Variants in PTPRB observed in about 807,000 individuals in gnomAD.
The protein encoded by PTPRB is receptor-type tyrosine-protein phosphatase beta.
In PTPRB, 97 loss-of-function variants were observed where a neutral mutation model predicts 238.1. The observed-to-expected ratio is 0.41, with a 90% CI of 0.35 to 0.48. The LOEUF is 0.48. PTPRB is among the 20% of genes least tolerant of loss of function. The pLI is 0.30. For missense variants in PTPRB, 2,292 were observed against 2,681.9 expected (o/e 0.85, Z 3.21); for synonymous variants, 970 against 995.4 (o/e 0.97, Z 0.48).
At chr12:70,591,428 T>A (rs2136461846) in intron 7 of PTPRB, among the ~76,000 whole-genome samples, 1 of 150,566 alleles carries the variant, frequency 6.6e-6, no homozygotes, top group Non-Finnish European at 1.5e-5. Flanking sequence ...CTTTGAATTA[T>A]CTGTATAATG....
chr12:70,530,546 ATG>A (rs1466085938), intron 32 of PTPRB, among the ~76,000 whole-genome samples: 1 of 152,174 alleles, frequency 6.6e-6, no homozygotes, highest in Non-Finnish European at 1.5e-5. Context: ...ATATAAGTAT[ATG>A]TGTATTTAAG....
intron 18 of PTPRB, 138 bp from the exon 19 acceptor site, chr12:70,556,286 T>C (rs373233151): frequency 5.1e-6 from 4 of 785,260 alleles, no homozygotes; most frequent in Non-Finnish European, 2.0e-6. Context: ...TGGCTCACCC[T>C]AGCAGAGACA....
rs1055957179 is a variant in PTPRB at position 70,635,722 on chromosome 12, C to G, written c.400G>C (p.Asp134His). Reference sequence around the variant, plus strand: ...ACCAGTTTTCCCTCCTTGTTGACATCTATTTTCATCCAGCTATGGAGGTAT... The same window carrying G: ...ACCAGTTTTCCCTCCTTGTTGACATGTATTTTCATCCAGCTATGGAGGTAT... ...RKYLHSWMKI[D>H]VNKEGKLVNE... Residue 134 changes from aspartate (D) to histidine (H), a missense_variant, in exon 2 of 34, where the codon GAT becomes CAT. Physicochemically the swap from Asp to His is moderately conservative, Grantham distance 81. Around this residue, in one of 4 missense-constraint regions of PTPRB, gnomAD observed 1,205 missense variants for 1,287.8 expected, o/e 0.94. Transcript: ENST00000334414. 16 of 1,613,964 alleles carry G rather than the reference C, an allele frequency of 9.9e-6. No individual in the cohort carries two copies. Among genetic ancestry groups the G allele is most frequent in the Non-Finnish European group, 1.3e-5 (15 of 1,179,880 alleles).
At chr12:70,551,995 C>T (rs1482710469) in intron 21 of PTPRB, among the ~76,000 whole-genome samples, 4 of 152,102 alleles carry the variant, frequency 2.6e-5, no homozygotes, top group African/African-American at 9.7e-5. Context: ...TCTTTGCCTT[C>T]CAGAGTTCTG....
In PTPRB at chr12:70,571,773, A is replaced by G. The variant is rs1880076690; in HGVS notation, c.3106+51T>C. Reference sequence around the variant, plus strand: ...AAATTCAAGGTTCAGATAAATTACTAGAGACTTTCAAGTCCAACCAACTGT... The same window carrying G: ...AAATTCAAGGTTCAGATAAATTACTGGAGACTTTCAAGTCCAACCAACTGT... On this transcript the variant is annotated intron_variant, in intron 12 of 33. Coordinates refer to ENST00000334414, the MANE Select transcript of PTPRB (RefSeq NM_001109754.4). The G allele has an allele frequency of 6.4e-6, 10 of 1,565,076 alleles. 1 individual carries two copies. In the South Asian group the frequency reaches 1.2e-4, roughly 19 times the overall value.
chr12:70,609,924 G>A (rs1425692368), intron 3 of PTPRB: 12 of 1,012,270 alleles, frequency 1.2e-5, no homozygotes, highest in South Asian at 2.7e-5. Context: ...CCCCGTGGGC[G>A]CAGCGCGCTT....
At chr12:70,599,549 T>C (rs1883305127) in intron 4 of PTPRB, among the ~76,000 whole-genome samples, 1 of 152,170 alleles carries the variant, frequency 6.6e-6, no homozygotes, top group African/African-American at 2.4e-5. Context: ...TCATTAGCCA[T>C]AAATTTAGAG....
intron 21 of PTPRB, among the ~76,000 whole-genome samples, chr12:70,551,249 G>A (rs1446154135): frequency 6.6e-6 from 1 of 152,160 alleles, no homozygotes; most frequent in Non-Finnish European, 1.5e-5. Context: ...GATCTTTCAT[G>A]TTTCTCCCTT....
At chr12:70,595,542 G>A (rs1488710619) in intron 5 of PTPRB, among the ~76,000 whole-genome samples, 1 of 152,134 alleles carries the variant, frequency 6.6e-6, no homozygotes. Flanking sequence ...TATGGAAGGA[G>A]GTAGTGATGT....
intron 16 of PTPRB, among the ~76,000 whole-genome samples, chr12:70,562,288 C>CA: frequency 6.6e-6 from 1 of 152,098 alleles, no homozygotes; most frequent in East Asian, 1.9e-4. Context: ...CGTCCCCCCC[C>CA]AAAACATTTT....
intron 10 of PTPRB, among the ~76,000 whole-genome samples, chr12:70,580,002 G>A (rs1167713396): frequency 6.6e-6 from 1 of 151,768 alleles, no homozygotes; most frequent in African/African-American, 2.4e-5. Flanking sequence ...AAGTAGACAA[G>A]GTCCCACTAA....
chr12:70,593,507 C>CT (rs1882693967), intron 6 of PTPRB, among the ~76,000 whole-genome samples: 1 of 106,508 alleles, frequency 9.4e-6, no homozygotes, highest in South Asian at 3.1e-4. Flanking sequence ...GAGCAAAACT[C>CT]TGTCTCAAAA....
rs534576423 is a variant in PTPRB at position 70,525,837 on chromosome 12, G to C, written c.6505-1246C>G. 4.6e-5 allele frequency among the ~76,000 whole-genome samples: 7 copies of C among 152,346 alleles called. No individual in the cohort carries two copies. In the East Asian group the frequency reaches 7.7e-4, roughly 17 times the overall value. On this transcript the variant is annotated intron_variant, in intron 32 of 33. Transcript: ENST00000334414. ...CCAGCCAGGCCAGGCTGAGCCATCA[G>C]GCTTCTGGGGATCCCAGTTTCCCCA...
chr12:70,614,050 G>A (rs1884575423), intron 3 of PTPRB, among the ~76,000 whole-genome samples: 1 of 152,060 alleles, frequency 6.6e-6, no homozygotes, highest in Non-Finnish European at 1.5e-5. Context: ...AGAAGGAGGA[G>A]GGAGGCAGTA....
intron 21 of PTPRB, among the ~76,000 whole-genome samples, chr12:70,552,179 T>C (rs1876976966): frequency 6.6e-6 from 1 of 152,198 alleles, no homozygotes; most frequent in South Asian, 2.1e-4. Context: ...AGTATTGGAC[T>C]CATATTTAGA....
At chr12:70,590,296 C>CT (rs1882353409) in intron 7 of PTPRB, 63 bp from the exon 8 acceptor site, 1 of 1,462,662 alleles carries the variant, frequency 6.8e-7, no homozygotes. Context: ...TACTCATTTA[C>CT]TTTTCTTGGG....
chr12:70,616,444 C>T (rs995468619), intron 3 of PTPRB, among the ~76,000 whole-genome samples: 1 of 152,178 alleles, frequency 6.6e-6, no homozygotes, highest in African/African-American at 2.4e-5. Context: ...TTTTTCTTAA[C>T]AGGCTGATTA....
At chr12:70,556,480 A>G (rs962548832) in intron 18 of PTPRB, among the ~76,000 whole-genome samples, 6 of 152,218 alleles carry the variant, frequency 3.9e-5, no homozygotes, top group Non-Finnish European at 7.3e-5. Flanking sequence ...AAAAGCAAAG[A>G]AAACAAAGAC....
At chr12:70,613,477 A>G (rs1884551185) in intron 3 of PTPRB, among the ~76,000 whole-genome samples, 1 of 148,530 alleles carries the variant, frequency 6.7e-6, no homozygotes, top group Admixed American at 6.7e-5. Flanking sequence ...TTCTTCAGCC[A>G]CTCCTCCCCA....
Sources: allele counts gnomAD v4.1 joint callset (sites outside exome capture counted in the v4.1 genomes callset), GRCh38; gene constraint gnomAD v4.1.1; regional missense constraint gnomAD v4.1.1; transcripts MANE v1.5; gene names NCBI Gene and HGNC (gene_info 2026-07-23, HGNC 2026-07-21).